Variants in ASIP observed in about 807,000 individuals in gnomAD.
ASIP encodes agouti signaling protein, also known as agouti-signaling protein.
Under a neutral mutation model 10.3 loss-of-function variants are expected in ASIP, and 11 were observed. The observed-to-expected ratio is 1.07, with a 90% CI of 0.68 to 1.78. The LOEUF is 1.78. Ranked by LOEUF, ASIP falls within the 40% of genes most tolerant of loss-of-function variation. The pLI is 0.00. For synonymous variants in ASIP, 70 were observed against 70.8 expected (o/e 0.99, Z 0.06); for missense variants, 180 against 169.2 (o/e 1.06, Z -0.35).
intron 1 of ASIP, among the ~76,000 whole-genome samples, chr20:34,248,620 T>C (rs1295698327): frequency 6.6e-6 from 1 of 151,878 alleles, no homozygotes; most frequent in Non-Finnish European, 1.5e-5. Context: ...CTGGGCAACA[T>C]TGTGAGACCT....
rs1212024812 is a variant in ASIP, at chr20:34,269,044, C to T, written c.276C>T (p.Pro92=). 2 of 1,605,374 alleles carry T rather than the reference C, an allele frequency of 1.2e-6. No individual in the cohort carries two copies. Among genetic ancestry groups the T allele is most frequent in the South Asian group, 2.2e-5 (2 of 89,728 alleles). The part of the protein sequence containing the change: ...VVRPRTPLSA[P]CVATRNSCKP... ...GGCCCCGGACCCCCCTATCTGCGCC[C>T]TGCGTGGCCACCCGCAACAGCTGCA... The change falls in exon 4 of 4, where the codon CCC becomes CCT. Residue 92 remains proline (P), a synonymous_variant. Coordinates refer to ENST00000374954, the MANE Select transcript of ASIP (RefSeq NM_001672.3).
chr20:34,258,710 T>TATATGTATATACATACTATATATATA (rs2122653973), intron 1 of ASIP, among the ~76,000 whole-genome samples: 1 of 21,366 alleles, frequency 4.7e-5, no homozygotes, highest in African/African-American at 8.5e-5. Flanking sequence ...ATATATATAT[T>TATATGTATATACATACTATATATATA]ATATATATTA....
intron 1 of ASIP, among the ~76,000 whole-genome samples, chr20:34,224,488 A>G (rs2035079083): frequency 6.6e-6 from 1 of 151,956 alleles, no homozygotes; most frequent in Non-Finnish European, 1.5e-5. Flanking sequence ...TTTAGACGTC[A>G]AAAGGGTTTA....
intron 1 of ASIP, among the ~76,000 whole-genome samples, chr20:34,212,372 A>G (rs1013192894): frequency 2.0e-5 from 3 of 152,222 alleles, no homozygotes; most frequent in African/African-American, 7.2e-5. Flanking sequence ...ATTCATGCAC[A>G]CACACATTTT....
intron 1 of ASIP, among the ~76,000 whole-genome samples, chr20:34,216,382 G>C (rs1340504175): frequency 4.6e-5 from 7 of 152,214 alleles, no homozygotes; most frequent in Admixed American, 3.9e-4. Flanking sequence ...GCCGTCTCCT[G>C]TCTATTTCTT....
At chr20:34,235,208 G>T (rs1015422972) in intron 1 of ASIP, among the ~76,000 whole-genome samples, 1 of 152,198 alleles carries the variant, frequency 6.6e-6, no homozygotes, top group Non-Finnish European at 1.5e-5. Context: ...TTGAGAGGCC[G>T]AGGTGGGCAG....
At chr20:34,244,663 G>A (rs1320689323) in intron 1 of ASIP, among the ~76,000 whole-genome samples, 1 of 151,998 alleles carries the variant, frequency 6.6e-6, no homozygotes. Flanking sequence ...TAAGTTTTAC[G>A]CAAGGCTGGT....
At chr20:34,209,342 T>C (rs1327714533) in intron 1 of ASIP, among the ~76,000 whole-genome samples, 2 of 152,112 alleles carry the variant, frequency 1.3e-5, no homozygotes, top group Non-Finnish European at 2.9e-5. Context: ...GCAGGAGGCC[T>C]ACCCTCACGG....
chr20:34,227,758 G>C (rs971987265), intron 1 of ASIP, among the ~76,000 whole-genome samples: 3 of 152,096 alleles, frequency 2.0e-5, no homozygotes, highest in Non-Finnish European at 4.4e-5. Context: ...GTAGGTTTTA[G>C]TAGAAGTTGA....
chr20:34,218,950 A>G (rs897699036), intron 1 of ASIP, among the ~76,000 whole-genome samples: 8 of 152,304 alleles, frequency 5.3e-5, no homozygotes, highest in Admixed American at 4.6e-4. Context: ...GGTGTGAGCC[A>G]CCACGCCTGG....
intron 1 of ASIP, chr20:34,246,277 T>C (rs997378799): frequency 1.9e-6 from 3 of 1,551,560 alleles, no homozygotes; most frequent in South Asian, 1.2e-5. Context: ...TCTCCTCTTC[T>C]TCCCCTGCTG....
rs1455822197 is a variant in ASIP at position 34,209,635 on chromosome 20, AC to A, written c.-11+14878del. Among the ~76,000 whole-genome samples the A allele has an allele frequency of 2.0e-5, 3 of 152,104 alleles. No homozygotes were observed. In the South Asian group the frequency reaches 6.3e-4, roughly 32 times the overall value. On this transcript the variant is annotated intron_variant, in intron 1 of 3. Coordinates refer to the ASIP transcript ENST00000568305. ...GGGGCTGGGCCCAGGCACTGTCACA[AC>A]CCAGCCGTGTGTGCATACACTTGGG...
chr20:34,208,750 C>T (rs2034953931), intron 1 of ASIP, among the ~76,000 whole-genome samples: 1 of 152,216 alleles, frequency 6.6e-6, no homozygotes, highest in South Asian at 2.1e-4. Flanking sequence ...AATCTATGAA[C>T]ATGAGATGGC....
intron 1 of ASIP, among the ~76,000 whole-genome samples, chr20:34,252,649 A>C (rs1358979497): frequency 2.6e-5 from 4 of 152,042 alleles, no homozygotes. Flanking sequence ...TCTCAACTGC[A>C]AAGAGGCCTC....
chr20:34,265,963 C>T (rs910608798), intron 3 of ASIP, among the ~76,000 whole-genome samples: 4 of 151,630 alleles, frequency 2.6e-5, no homozygotes, highest in Non-Finnish European at 5.9e-5. Context: ...AAAACAAAAG[C>T]GGAGGGGGGG....
At chr20:34,194,207 G>A (rs1181235222), upstream of ASIP, among the ~76,000 whole-genome samples, 1 of 152,022 alleles carries the variant, frequency 6.6e-6, no homozygotes, top group Non-Finnish European at 1.5e-5. Flanking sequence ...AGAGAACCAG[G>A]AATAAATGAC....
At chr20:34,247,797 G>A (rs559622432) in intron 1 of ASIP, among the ~76,000 whole-genome samples, 13 of 151,838 alleles carry the variant, frequency 8.6e-5, no homozygotes, top group South Asian at 2.1e-4. Context: ...AGGTCTTGCC[G>A]TGTTGCCCAG....
At chr20:34,266,674 A>AAAACAAAC (rs139652564) in intron 3 of ASIP, among the ~76,000 whole-genome samples, 7 of 152,180 alleles carry the variant, frequency 4.6e-5, no homozygotes, top group Admixed American at 6.5e-5. Context: ...CTCCATCTCA[A>AAAACAAAC]AAACAAACAA....
intron 1 of ASIP, chr20:34,246,012 C>T: frequency 3.8e-6 from 4 of 1,063,498 alleles, no homozygotes; most frequent in African/African-American, 1.6e-5. Flanking sequence ...GGCCATTTTT[C>T]TGAATGACAT....
Sources: gnomAD v4.1 joint callset for allele counts (sites outside exome capture counted in the v4.1 genomes callset) on GRCh38, gnomAD v4.1.1 for gene constraint, MANE v1.5 for transcripts, NCBI Gene and HGNC (gene_info 2026-07-23, HGNC 2026-07-21) for gene names.